The following LAPTM4B variants were observed in gnomAD, a reference collection of about 807,000 sequenced individuals.
LAPTM4B encodes lysosomal-associated transmembrane protein 4B.
LAPTM4B carries 26 observed loss-of-function variants against 28.5 expected under a neutral mutation model. That is an observed-to-expected ratio of 0.91 (90% confidence interval 0.67 to 1.27). The LOEUF (loss-of-function observed/expected upper bound fraction) is 1.27, where lower values mean the gene tolerates loss of function less well. LAPTM4B is among the 50% of genes most tolerant of loss of function. The pLI is 0.00. For missense variants in LAPTM4B, 288 were observed against 285.8 expected (o/e 1.01, Z -0.06); for synonymous variants, 109 against 106.4 (o/e 1.02, Z -0.15).
chr8:97,776,901 C>T (rs1395122478), intron 1 of LAPTM4B, among the ~76,000 whole-genome samples: 1 of 151,900 alleles, frequency 6.6e-6, no homozygotes, highest in South Asian at 2.1e-4. Flanking sequence ...GTATGAGGAG[C>T]AGTGATTTTC....
chr8:97,837,876 A>T (rs974353084), intron 6 of LAPTM4B, among the ~76,000 whole-genome samples: 9 of 152,242 alleles, frequency 5.9e-5, no homozygotes, highest in African/African-American at 2.2e-4. Context: ...GAGAGATCTT[A>T]TTACTAATAT....
At chr8:97,846,327 A>ATTTT (rs57959152) in intron 6 of LAPTM4B, among the ~76,000 whole-genome samples, 4 of 138,880 alleles carry the variant, frequency 2.9e-5, no homozygotes, top group Non-Finnish European at 3.1e-5. Flanking sequence ...AGAGTATCCA[A>ATTTT]TTTTTTTTTT....
At chr8:97,787,344 G>A (rs1336992869) in intron 1 of LAPTM4B, among the ~76,000 whole-genome samples, 1 of 149,974 alleles carries the variant, frequency 6.7e-6, no homozygotes, top group Non-Finnish European at 1.5e-5. Context: ...GGAGTGCAGT[G>A]GTGCAATCTC....
At chr8:97,804,596 C>T (rs1816732394) in intron 1 of LAPTM4B, among the ~76,000 whole-genome samples, 1 of 152,168 alleles carries the variant, frequency 6.6e-6, no homozygotes, top group Non-Finnish European at 1.5e-5. Flanking sequence ...TAGGTTATTG[C>T]AGGGCTTAAG....
intron 5 of LAPTM4B, among the ~76,000 whole-genome samples, chr8:97,823,008 GT>G (rs1358999858): frequency 6.6e-6 from 1 of 151,600 alleles, no homozygotes; most frequent in African/African-American, 2.4e-5. Context: ...TGCCCGGCTA[GT>G]TTTTTGTATT....
intron 6 of LAPTM4B, among the ~76,000 whole-genome samples, chr8:97,827,733 T>C (rs1362168299): frequency 1.3e-5 from 2 of 152,190 alleles, no homozygotes; most frequent in Admixed American, 6.5e-5. Flanking sequence ...AGGCTGTTTA[T>C]TCACTCAGGT....
intron 6 of LAPTM4B, among the ~76,000 whole-genome samples, chr8:97,845,875 TCCCC>T (rs1817424872): frequency 6.7e-5 from 1 of 14,822 alleles, no homozygotes; most frequent in Admixed American, 9.3e-4. Context: ...TCCACTCCCC[TCCCC>T]TCCCCTCCCC....
intron 1 of LAPTM4B, among the ~76,000 whole-genome samples, chr8:97,796,930 A>G (rs1816593907): frequency 6.6e-6 from 1 of 151,432 alleles, no homozygotes; most frequent in African/African-American, 2.4e-5. Flanking sequence ...ACAGAGTGAG[A>G]CTCTATCTCA....
intron 6 of LAPTM4B, among the ~76,000 whole-genome samples, chr8:97,828,043 G>A (rs1445832786): frequency 1.3e-5 from 2 of 152,134 alleles, no homozygotes; most frequent in Non-Finnish European, 2.9e-5. Flanking sequence ...GCTCCAGGAG[G>A]CCTTCTGGAT....
At chr8:97,783,372 T>G (rs1490267631) in intron 1 of LAPTM4B, among the ~76,000 whole-genome samples, 1 of 152,158 alleles carries the variant, frequency 6.6e-6, no homozygotes, top group Non-Finnish European at 1.5e-5. Flanking sequence ...ACTCACAGTT[T>G]CCTTGTTTAC....
chr8:97,777,599 G>A (rs535541003), intron 1 of LAPTM4B, among the ~76,000 whole-genome samples: 1 of 152,248 alleles, frequency 6.6e-6, no homozygotes, highest in South Asian at 2.1e-4. Context: ...CAGGCATATG[G>A]TATTCACTGT....
At chr8:97,807,689 G>A (rs1816774769) in intron 2 of LAPTM4B, among the ~76,000 whole-genome samples, 1 of 151,914 alleles carries the variant, frequency 6.6e-6, no homozygotes, top group South Asian at 2.1e-4. Context: ...AGAGTAAAAA[G>A]AAAAGGCAAC....
intron 1 of LAPTM4B, among the ~76,000 whole-genome samples, chr8:97,786,285 G>A (rs184933823): frequency 6.6e-6 from 1 of 152,008 alleles, no homozygotes; most frequent in Non-Finnish European, 1.5e-5. Flanking sequence ...TAAGAGTTTC[G>A]AGTTGCCTCT....
chr8:97,845,550 T>A (rs1817414951), intron 6 of LAPTM4B, among the ~76,000 whole-genome samples: 1 of 152,068 alleles, frequency 6.6e-6, no homozygotes, highest in Admixed American at 6.6e-5. Context: ...GGGCATTGAT[T>A]TCCTTATAGC....
Position 97,844,715 on chromosome 8 carries a change from G to A in LAPTM4B, c.604-6682G>A, listed in dbSNP as rs187774908. Among the ~76,000 whole-genome samples the A allele has an allele frequency of 2.4e-3, 367 of 152,154 alleles. 2 individuals are homozygous for A. The highest frequency in any genetic ancestry group is 8.2e-3 in the African/African-American group (340 of 41,502). On this transcript the variant is annotated intron_variant, in intron 6 of 6. Coordinates refer to ENST00000521545, the MANE Select transcript of LAPTM4B (RefSeq NM_018407.6). ...GCCCTACTTCCTTGTGTTGAAAGTC[G>A]CCTCTTTGACAAGTTGGGTTGTTTC...
intron 2 of LAPTM4B, among the ~76,000 whole-genome samples, chr8:97,812,714 G>T (rs1816849934): frequency 6.6e-6 from 1 of 152,152 alleles, no homozygotes; most frequent in South Asian, 2.1e-4. Context: ...GTGACATTTG[G>T]ACTAGGACTA....
Position 97,780,517 on chromosome 8 carries a change from C to A in LAPTM4B, c.99+4409C>A, listed in dbSNP as rs112539434. On this transcript the variant is annotated intron_variant, in intron 1 of 6. Coordinates refer to ENST00000521545, the MANE Select transcript of LAPTM4B (RefSeq NM_018407.6). ...GTTTTGCAAGATAGGTAAAGTGGAT[C>A]TTTTTTATATGTTTTCTTATTGTTG... Among the ~76,000 whole-genome samples the A allele has an allele frequency of 7.2e-3, 1,102 of 152,220 alleles. 18 individuals carry two copies. The highest frequency in any genetic ancestry group is 0.025 in the African/African-American group (1,019 of 41,534).
intron 4 of LAPTM4B, among the ~76,000 whole-genome samples, chr8:97,818,482 C>T (rs2129797561): frequency 6.6e-6 from 1 of 152,268 alleles, no homozygotes; most frequent in Middle Eastern, 3.4e-3. Flanking sequence ...TCCCTCTAAC[C>T]ATAGTAGCAG....
chr8:97,799,781 C>T (rs1481509262), intron 1 of LAPTM4B, among the ~76,000 whole-genome samples: 2 of 152,134 alleles, frequency 1.3e-5, no homozygotes, highest in Admixed American at 1.3e-4. Context: ...GCCTCTTCAC[C>T]ACCTGGCCCC....
Sources: allele counts gnomAD v4.1 joint callset (sites outside exome capture counted in the v4.1 genomes callset), GRCh38; gene constraint gnomAD v4.1.1; transcripts MANE v1.5; gene names NCBI Gene and HGNC (gene_info 2026-07-23, HGNC 2026-07-21).